The following TAF1B variants were observed in gnomAD, a reference collection of about 807,000 sequenced individuals.
TAF1B encodes the protein TATA-box binding protein associated factor, RNA polymerase I subunit B, also known as TATA box-binding protein-associated factor RNA polymerase I subunit B.
A neutral mutation model predicts 83.9 loss-of-function variants in TAF1B; 61 were observed. The observed-to-expected ratio is 0.73, with a 90% CI of 0.59 to 0.90. The LOEUF is 0.90. TAF1B is among the 40% of genes least tolerant of loss of function. The pLI is 0.00. For missense variants in TAF1B, 625 were observed against 677.0 expected, an observed-to-expected ratio of 0.92 and a Z score of 0.85; for synonymous variants, 221 against 224.6, an observed-to-expected ratio of 0.98 and a Z score of 0.14.
At chr2:9,889,091 C>T (rs1180823386) in intron 8 of TAF1B, among the ~76,000 whole-genome samples, 2 of 151,634 alleles carry the variant, frequency 1.3e-5, no homozygotes, top group Non-Finnish European at 2.9e-5. Context: ...TGGGGAGCCA[C>T]TGCACCCAGC....
At chr2:9,921,773 G>A (rs912365491) in intron 14 of TAF1B, among the ~76,000 whole-genome samples, 20 of 152,130 alleles carry the variant, frequency 1.3e-4, no homozygotes, top group Non-Finnish European at 2.8e-4. Flanking sequence ...TTATAATAAA[G>A]TTTGAGGAGA....
intron 13 of TAF1B, 56 bp from the exon 14 acceptor site, chr2:9,919,542 T>C: frequency 6.8e-7 from 1 of 1,475,758 alleles, no homozygotes; most frequent in Non-Finnish European, 9.5e-7. Flanking sequence ...ATTCCAGGCT[T>C]TATTTGTGAT....
At chr2:9,916,842 T>TTTTTTTTTTC (rs1553292831) in intron 12 of TAF1B, among the ~76,000 whole-genome samples, 3 of 142,136 alleles carry the variant, frequency 2.1e-5, no homozygotes, top group Admixed American at 7.1e-5. Context: ...CTGTTCTTTT[T>TTTTTTTTTTC]TTTTTTTTTT....
At chr2:9,929,050 T>C (rs1473979308) in intron 14 of TAF1B, among the ~76,000 whole-genome samples, 1 of 152,254 alleles carries the variant, frequency 6.6e-6, no homozygotes, top group Admixed American at 6.5e-5. Context: ...ACCTAGTTTA[T>C]TGAGAGTTTT....
chr2:9,847,066 T>C (rs2125133071), intron 2 of TAF1B, among the ~76,000 whole-genome samples: 1 of 152,328 alleles, frequency 6.6e-6, no homozygotes, highest in African/African-American at 2.4e-5. Flanking sequence ...AACTAATTGC[T>C]TTTCTATTTT....
chr2:9,929,508 C>G (rs1666148574), intron 14 of TAF1B, among the ~76,000 whole-genome samples: 1 of 152,174 alleles, frequency 6.6e-6, no homozygotes, highest in African/African-American at 2.4e-5. Context: ...GTATGTTGAA[C>G]CAGCCTTCCA....
At chr2:9,901,987 A>G (rs1665190471) in intron 8 of TAF1B, among the ~76,000 whole-genome samples, 1 of 152,180 alleles carries the variant, frequency 6.6e-6, no homozygotes, top group South Asian at 2.1e-4. Flanking sequence ...TGATAATATA[A>G]CATAAACTGA....
chr2:9,918,471 C>T (rs1181959873), intron 12 of TAF1B, among the ~76,000 whole-genome samples: 2 of 152,214 alleles, frequency 1.3e-5, no homozygotes, highest in African/African-American at 4.8e-5. Flanking sequence ...TGGAAACTCC[C>T]TGGCCATCCT....
rs540609486 is a variant in TAF1B, at chr2:9,845,146, G to C, written c.19-74G>C. ...AAAGTTGCCAGGAACCCATTAAATA[G>C]AACTGCAAGGTTTAGGTACGATGTA... On this transcript the variant is annotated intron_variant, in intron 1 of 14. Transcript: ENST00000263663. The C allele has an allele frequency of 1.7e-4, 187 of 1,072,650 alleles. 3 individuals are homozygous for C. The African/African-American group carries it at 2.6e-3, about 15-fold the overall frequency. 66.4% of individuals were successfully genotyped at this position (1,072,650 alleles called of 1,614,324 possible). A position where few individuals can be genotyped will look rare whatever the true frequency, so the allele number is the denominator to read the frequency against.
At chr2:9,891,362 C>T (rs951016894) in intron 8 of TAF1B, among the ~76,000 whole-genome samples, 3 of 152,066 alleles carry the variant, frequency 2.0e-5, no homozygotes, top group Admixed American at 2.0e-4. Flanking sequence ...TTCTTTTATT[C>T]TCCACCTTTA....
intron 8 of TAF1B, among the ~76,000 whole-genome samples, chr2:9,890,687 A>T (rs960837396): frequency 6.6e-6 from 1 of 152,208 alleles, no homozygotes; most frequent in African/African-American, 2.4e-5. Flanking sequence ...TATGTTTACC[A>T]TGTGAAATGA....
Position 9,909,236 on chromosome 2 carries a change from C to A in TAF1B, c.956-1500C>A, listed in dbSNP as rs188839877. ...AGACAAATAAAACAAGATTGAGTCA[C>A]CCTCAAGTTTAAGAGGGAAACAGAA... On this transcript the variant is annotated intron_variant, in intron 9 of 14. Transcript: ENST00000263663. 4.9e-3 allele frequency among the ~76,000 whole-genome samples: 742 copies of A among 152,288 alleles called. 21 individuals carry two copies. Among genetic ancestry groups the A allele is most frequent in the Admixed American group, 0.046 (701 of 15,294 alleles).
At chr2:9,862,757 T>C (rs1477271136) in intron 5 of TAF1B, among the ~76,000 whole-genome samples, 1 of 152,162 alleles carries the variant, frequency 6.6e-6, no homozygotes, top group Non-Finnish European at 1.5e-5. Context: ...CGGCAGAAAC[T>C]CTACAAGCCA....
intron 11 of TAF1B, 77 bp downstream of exon 11, chr2:9,911,634 C>A: frequency 9.3e-7 from 1 of 1,071,770 alleles, no homozygotes; most frequent in African/African-American, 1.6e-5. Context: ...TGTAGGCAAA[C>A]AACTTTGAAA....
At chr2:9,850,577 C>T (rs1663353774) in intron 3 of TAF1B, among the ~76,000 whole-genome samples, 1 of 152,144 alleles carries the variant, frequency 6.6e-6, no homozygotes, top group African/African-American at 2.4e-5. Flanking sequence ...GACTTTGTGA[C>T]ATTCAGGTAA....
chr2:9,892,654 G>T (rs899619623), intron 8 of TAF1B, among the ~76,000 whole-genome samples: 1 of 152,124 alleles, frequency 6.6e-6, no homozygotes, highest in Admixed American at 6.6e-5. Context: ...TTCTATATCA[G>T]TACACGTTTT....
At chr2:9,883,271 G>A (rs574948512) in intron 8 of TAF1B, among the ~76,000 whole-genome samples, 1 of 152,274 alleles carries the variant, frequency 6.6e-6, no homozygotes, top group South Asian at 2.1e-4. Flanking sequence ...TCCAATGGAA[G>A]GGTTTCTGTC....
rs559194462 is a variant in TAF1B at position 9,921,801 on chromosome 2, G to C, written c.1565+1981G>C. On this transcript the variant is annotated intron_variant, in intron 14 of 14. Coordinates refer to ENST00000263663, the MANE Select transcript of TAF1B (RefSeq NM_005680.3). ...TGAGGAGAAAAACTAAAAAGATTCA[G>C]GCTATGCCATGAAGTTTTTTTCTCC... 3.9e-5 allele frequency among the ~76,000 whole-genome samples: 6 copies of C among 152,272 alleles called. No homozygotes were observed. In the East Asian group the frequency reaches 9.6e-4, roughly 24 times the overall value.
In TAF1B at chr2:9,881,086, C is replaced by T. The variant is rs1054736446; in HGVS notation, c.708-1620C>T. Among the ~76,000 whole-genome samples, 29 of 152,192 alleles carry T rather than the reference C, an allele frequency of 1.9e-4. No individual in the cohort carries two copies. The East Asian group carries it at 5.6e-3, about 29-fold the overall frequency. On this transcript the variant is annotated intron_variant, in intron 7 of 14. Transcript: ENST00000263663. ...TGGTGGCTCACTTCTGTAATTCCAG[C>T]ACTGTGGGAGGCTAAGGCAGGCAGA...
Sources: gnomAD v4.1 joint callset for allele counts (sites outside exome capture counted in the v4.1 genomes callset) on GRCh38, gnomAD v4.1.1 for gene constraint, MANE v1.5 for transcripts, NCBI Gene and HGNC (gene_info 2026-07-23, HGNC 2026-07-21) for gene names.